The following ROBO1 variants were observed in gnomAD, a reference collection of about 807,000 sequenced individuals.
The protein encoded by ROBO1 is roundabout homolog 1.
A neutral mutation model predicts 195.9 loss-of-function variants in ROBO1; 149 were observed. The ratio of observed to expected loss-of-function variants is 0.76; its 90% CI spans 0.67 to 0.87. The LOEUF (loss-of-function observed/expected upper bound fraction) is 0.87. ROBO1 is among the 40% of genes least tolerant of loss of function. The pLI is 0.00. For missense variants in ROBO1, 1,933 were observed against 2,068.3 expected (o/e 0.93, Z 1.27); for synonymous variants, 816 against 733.2 (o/e 1.11, Z -1.82).
intron 2 of ROBO1, among the ~76,000 whole-genome samples, chr3:79,332,330 A>G (rs2034482511): frequency 6.6e-6 from 1 of 152,142 alleles, no homozygotes; most frequent in African/African-American, 2.4e-5. Context: ...TTTGTGTAAA[A>G]TTTCAAAAGT....
intron 2 of ROBO1, among the ~76,000 whole-genome samples, chr3:79,161,283 T>C (rs2080960075): frequency 1.3e-5 from 2 of 152,088 alleles, no homozygotes; most frequent in African/African-American, 2.4e-5. Context: ...TCTTCTACAA[T>C]GACAAAATAT....
At chr3:79,289,276 T>C (rs1457219900) in intron 2 of ROBO1, among the ~76,000 whole-genome samples, 2 of 152,280 alleles carry the variant, frequency 1.3e-5, no homozygotes, top group East Asian at 1.9e-4. Context: ...GATAAACCAA[T>C]ATATTTGGTG....
At chr3:79,056,792 C>T (rs1310715680) in intron 3 of ROBO1, among the ~76,000 whole-genome samples, 1 of 152,056 alleles carries the variant, frequency 6.6e-6, no homozygotes, top group Non-Finnish European at 1.5e-5. Context: ...CTTCATTGCA[C>T]TCCCCTACTG....
At chr3:79,721,140 C>A (rs536229186) in intron 1 of ROBO1, among the ~76,000 whole-genome samples, 1 of 152,278 alleles carries the variant, frequency 6.6e-6, no homozygotes, top group Admixed American at 6.5e-5. Flanking sequence ...AGTGCACCTT[C>A]TGTTCCCCCT....
chr3:79,253,300 G>A (rs2082766860), intron 2 of ROBO1, among the ~76,000 whole-genome samples: 1 of 152,088 alleles, frequency 6.6e-6, no homozygotes, highest in South Asian at 2.1e-4. Flanking sequence ...AAGACCCCAA[G>A]GAAAGCCCCA....
At chr3:78,983,814 G>A (rs1261481468) in intron 3 of ROBO1, among the ~76,000 whole-genome samples, 2 of 152,156 alleles carry the variant, frequency 1.3e-5, no homozygotes, top group African/African-American at 4.8e-5. Flanking sequence ...GGTTTCAGCT[G>A]GAGGGCGACT....
chr3:79,745,384 T>A (rs983110301), intron 1 of ROBO1, among the ~76,000 whole-genome samples: 2 of 152,166 alleles, frequency 1.3e-5, no homozygotes. Context: ...TTGTCTTTTT[T>A]AAAAAAATAG....
chr3:79,091,491 T>G (rs763512801), intron 3 of ROBO1, among the ~76,000 whole-genome samples: 9 of 152,122 alleles, frequency 5.9e-5, no homozygotes, highest in African/African-American at 1.4e-4. Context: ...GTAAGTGTAG[T>G]AAATGTTCCA....
At position 79,009,167 on chromosome 3, in the gene ROBO1, T is replaced by C. The variant is rs527602152; in HGVS notation, c.173-70240A>G. On this transcript the variant is annotated intron_variant, in intron 3 of 30. Coordinates refer to ENST00000464233, the MANE Select transcript of ROBO1 (RefSeq NM_002941.4). ...CGGGGTTTCACCATGTTGGCCAGGC[T>C]GGTTTCAAACTGCTGACATCAGGTG... Among the ~76,000 whole-genome samples, 310 of 146,332 alleles carry C rather than the reference T, an allele frequency of 2.1e-3. 1 individual carries two copies. Among genetic ancestry groups the C allele is most frequent in the Non-Finnish European group, 2.5e-3 (165 of 66,528 alleles).
intron 2 of ROBO1, among the ~76,000 whole-genome samples, chr3:79,575,458 T>G (rs1303482768): frequency 7.5e-6 from 1 of 133,836 alleles, no homozygotes; most frequent in African/African-American, 2.8e-5. Context: ...TATAAATATA[T>G]ATAACAAATA....
chr3:78,651,651 A>G, intron 19 of ROBO1, 81 bp downstream of exon 19: 1 of 1,191,988 alleles, frequency 8.4e-7, no homozygotes, highest in Non-Finnish European at 1.1e-6. Flanking sequence ...GATATGCATA[A>G]TCATGAATAA....
intron 10 of ROBO1, among the ~76,000 whole-genome samples, chr3:78,675,531 G>C (rs537756507): frequency 2.0e-5 from 3 of 152,278 alleles, no homozygotes; most frequent in Middle Eastern, 3.4e-3. Context: ...CACTTGGCTC[G>C]GAGGGTCCTA....
chr3:79,417,637 A>G (rs1432034006), intron 2 of ROBO1, among the ~76,000 whole-genome samples: 1 of 152,176 alleles, frequency 6.6e-6, no homozygotes, highest in Non-Finnish European at 1.5e-5. Flanking sequence ...AACCATGGTT[A>G]TAATTTCCGC....
chr3:79,739,875 G>T (rs1446502945), intron 1 of ROBO1, among the ~76,000 whole-genome samples: 1 of 151,968 alleles, frequency 6.6e-6, no homozygotes, highest in African/African-American at 2.4e-5. Context: ...AGAGCAAATT[G>T]GTTTTACTAA....
At chr3:78,837,922 A>T (rs2032882469) in intron 4 of ROBO1, among the ~76,000 whole-genome samples, 1 of 152,218 alleles carries the variant, frequency 6.6e-6, no homozygotes, top group Non-Finnish European at 1.5e-5. Context: ...TAAATATGGC[A>T]AATATCGTCA....
intron 18 of ROBO1, among the ~76,000 whole-genome samples, chr3:78,655,911 A>G (rs1396654994): frequency 1.3e-5 from 2 of 152,204 alleles, no homozygotes. Flanking sequence ...AAAAACATAA[A>G]GGTGCTATAT....
chr3:78,901,187 C>A (rs2037561038), intron 4 of ROBO1, among the ~76,000 whole-genome samples: 1 of 152,098 alleles, frequency 6.6e-6, no homozygotes, highest in Non-Finnish European at 1.5e-5. Flanking sequence ...AAATATAATG[C>A]GTAGGGAAAT....
intron 3 of ROBO1, among the ~76,000 whole-genome samples, chr3:79,102,752 ATGT>A (rs1176776800): frequency 9.2e-5 from 14 of 151,834 alleles, no homozygotes; most frequent in African/African-American, 3.4e-4. Flanking sequence ...GCAGATGTGT[ATGT>A]CCAAAGAGAG....
At chr3:78,819,435 C>T (rs1482797645) in intron 4 of ROBO1, among the ~76,000 whole-genome samples, 2 of 142,930 alleles carry the variant, frequency 1.4e-5, no homozygotes, top group Admixed American at 7.4e-5. Flanking sequence ...GAATACGTGT[C>T]CATATTCTAC....
Sources: gnomAD v4.1 joint callset for allele counts (sites outside exome capture counted in the v4.1 genomes callset) on GRCh38, gnomAD v4.1.1 for gene constraint, MANE v1.5 for transcripts, NCBI Gene and HGNC (gene_info 2026-07-23, HGNC 2026-07-21) for gene names.